CSMD1: variants seen among roughly 807,000 people sequenced by gnomAD.
CSMD1 encodes the protein CUB and Sushi multiple domains 1.
In CSMD1, 213 loss-of-function variants were observed where a neutral mutation model predicts 417.5. The observed-to-expected ratio is 0.51, with a 90% CI of 0.46 to 0.57. CSMD1 has a LOEUF of 0.57. Ranked by LOEUF, CSMD1 falls within the 20% of genes least tolerant of loss-of-function variation. The probability of loss-of-function intolerance (pLI) is 0.00; values close to 1 mark genes in which losing one functional copy is unlikely to be tolerated. For synonymous variants in CSMD1, 2,862 were observed against 1,736.8 expected (o/e 1.65, Z -16.11); for missense variants, 6,923 against 4,529.7 (o/e 1.53, Z -15.17).
At chr8:4,333,212 A>G (rs1299356127) in intron 3 of CSMD1, among the ~76,000 whole-genome samples, 1 of 152,146 alleles carries the variant, frequency 6.6e-6, no homozygotes, top group Non-Finnish European at 1.5e-5. Flanking sequence ...TTCTGAACAA[A>G]ACAGAAGTCA....
intron 50 of CSMD1, among the ~76,000 whole-genome samples, chr8:3,042,428 T>C (rs979047793): frequency 6.6e-6 from 1 of 152,222 alleles, no homozygotes; most frequent in South Asian, 2.1e-4. Flanking sequence ...ATAGGTATTT[T>C]CTAAATGTAT....
intron 6 of CSMD1, among the ~76,000 whole-genome samples, chr8:3,732,015 A>G (rs1796296702): frequency 6.6e-6 from 1 of 151,090 alleles, no homozygotes; most frequent in Non-Finnish European, 1.5e-5. Context: ...TAAGAAGAGC[A>G]GAATGCATGC....
chr8:3,001,746 G>A (rs189341972), intron 52 of CSMD1, among the ~76,000 whole-genome samples: 251 of 152,296 alleles, frequency 1.6e-3, no homozygotes, highest in African/African-American at 5.7e-3. Context: ...TTCAGTCCAT[G>A]CAAAATATCA....
intron 26 of CSMD1, among the ~76,000 whole-genome samples, chr8:3,281,181 G>A (rs11136594): frequency 0.75 from 114,007 of 152,100 alleles, 43,153 homozygotes; most frequent in Admixed American, 0.84. Context: ...GGTGGCTCAC[G>A]CCTGTAATCC....
chr8:4,434,447 G>A (rs374994954), intron 2 of CSMD1, among the ~76,000 whole-genome samples: 31 of 152,232 alleles, frequency 2.0e-4, no homozygotes, highest in Admixed American at 5.9e-4. Flanking sequence ...TTGGCTTTGT[G>A]ACCCATCCTA....
chr8:4,071,749 T>C (rs1298783853), intron 3 of CSMD1, among the ~76,000 whole-genome samples: 2 of 152,212 alleles, frequency 1.3e-5, no homozygotes, highest in South Asian at 2.1e-4. Context: ...AATATATTTA[T>C]TTCGTCTTTG....
chr8:4,246,975 T>C (rs771310663), intron 3 of CSMD1, among the ~76,000 whole-genome samples: 38 of 152,282 alleles, frequency 2.5e-4, no homozygotes, highest in African/African-American at 4.8e-5. Context: ...TTAGACGAAG[T>C]AGAAATTTAT....
chr8:3,347,133 G>A (rs778089547), intron 22 of CSMD1, among the ~76,000 whole-genome samples: 3 of 152,212 alleles, frequency 2.0e-5, no homozygotes, highest in Non-Finnish European at 4.4e-5. Flanking sequence ...AATTTGTGTT[G>A]GGCCACAGTC....
At chr8:3,534,452 G>C (rs1798107712) in intron 10 of CSMD1, among the ~76,000 whole-genome samples, 2 of 150,674 alleles carry the variant, frequency 1.3e-5, no homozygotes. Context: ...CAGCATGTGA[G>C]GATCACACTT....
chr8:3,516,769 T>C (rs1330961769), intron 10 of CSMD1, among the ~76,000 whole-genome samples: 1 of 152,198 alleles, frequency 6.6e-6, no homozygotes, highest in Non-Finnish European at 1.5e-5. Context: ...ACCTTATCTG[T>C]AGTTACATAA....
intron 2 of CSMD1, among the ~76,000 whole-genome samples, chr8:4,483,922 G>T (rs772030919): frequency 6.6e-6 from 1 of 152,160 alleles, no homozygotes; most frequent in Non-Finnish European, 1.5e-5. Context: ...AAGCATCATG[G>T]CTCACTTTGT....
chr8:4,586,200 T>A (rs189303093), intron 2 of CSMD1, among the ~76,000 whole-genome samples: 6 of 152,320 alleles, frequency 3.9e-5, no homozygotes, highest in Admixed American at 3.3e-4. Flanking sequence ...TTTAAATACA[T>A]AATAAATTAT....
At chr8:3,579,355 A>G (rs2116963619) in intron 9 of CSMD1, among the ~76,000 whole-genome samples, 1 of 152,326 alleles carries the variant, frequency 6.6e-6, no homozygotes, top group East Asian at 1.9e-4. Context: ...GTAATAACTT[A>G]TCTGTTTATT....
chr8:4,594,733 G>C (rs1297841511), intron 2 of CSMD1, among the ~76,000 whole-genome samples: 1 of 152,090 alleles, frequency 6.6e-6, no homozygotes, highest in Non-Finnish European at 1.5e-5. Context: ...ATTGTTACCT[G>C]CCTGTTCACA....
chr8:4,447,518 T>A lies in CSMD1; in HGVS notation c.303-27453A>T, dbSNP rs1798884371. On this transcript the variant is annotated intron_variant, in intron 2 of 69. Coordinates refer to ENST00000635120, the MANE Select transcript of CSMD1 (RefSeq NM_033225.6). The stretch of plus-strand genomic sequence containing the variant: ...AGATGTGAATGTTCTTTGGAGAGGC[T>A]CTAATCCAAATCCCTCACTCTACAG... 2.0e-5 allele frequency among the ~76,000 whole-genome samples: 3 copies of A among 152,318 alleles called. No homozygotes were observed. The South Asian group carries it at 6.2e-4, about 32-fold the overall frequency.
At chr8:4,202,333 A>C (rs1023708645) in intron 3 of CSMD1, among the ~76,000 whole-genome samples, 2 of 152,198 alleles carry the variant, frequency 1.3e-5, no homozygotes, top group East Asian at 3.9e-4. Context: ...GCTCACTTAC[A>C]ATATGGCATT....
intron 65 of CSMD1, among the ~76,000 whole-genome samples, chr8:2,952,437 A>G (rs1802698845): frequency 6.6e-6 from 1 of 152,234 alleles, no homozygotes; most frequent in East Asian, 1.9e-4. Context: ...GAAGGGTTAA[A>G]GAGGAACAGA....
chr8:3,195,148 G>GGCATAAATATAAGCA (rs1238678640), intron 33 of CSMD1, among the ~76,000 whole-genome samples: 1 of 152,140 alleles, frequency 6.6e-6, no homozygotes, highest in Admixed American at 6.5e-5. Flanking sequence ...AAAACAGCCA[G>GGCATAAATATAAGCA]GCATAAATAT....
At chr8:4,929,474 C>T (rs1351940015) in intron 1 of CSMD1, among the ~76,000 whole-genome samples, 3 of 152,074 alleles carry the variant, frequency 2.0e-5, no homozygotes, top group Non-Finnish European at 4.4e-5. Context: ...TGCATAGGGT[C>T]GTGAAAAATG....
Sources: gnomAD v4.1 joint callset for allele counts (sites outside exome capture counted in the v4.1 genomes callset) on GRCh38, gnomAD v4.1.1 for gene constraint, MANE v1.5 for transcripts, NCBI Gene and HGNC (gene_info 2026-07-23, HGNC 2026-07-21) for gene names.